RNF180: variants seen among roughly 807,000 people sequenced by gnomAD.
RNF180 encodes E3 ubiquitin-protein ligase RNF180.
In RNF180, 38 loss-of-function variants were observed where a neutral mutation model predicts 59.2. That is an observed-to-expected ratio of 0.64 (90% CI 0.50 to 0.84). The LOEUF is 0.84. Ranked by LOEUF, RNF180 falls within the 40% of genes least tolerant of loss-of-function variation. The probability of loss-of-function intolerance (pLI) is 0.00; values close to 1 mark genes in which losing one functional copy is unlikely to be tolerated. For synonymous variants in RNF180, 262 were observed against 240.3 expected (o/e 1.09, Z -0.84); for missense variants, 705 against 700.9 (o/e 1.01, Z -0.07).
intron 5 of RNF180, among the ~76,000 whole-genome samples, chr5:64,267,522 TC>T (rs895986750): frequency 1.3e-5 from 2 of 148,716 alleles, no homozygotes. Context: ...CCCACAACAG[TC>T]CCCAGAGTGT....
intron 7 of RNF180, among the ~76,000 whole-genome samples, chr5:64,355,793 G>A (rs1421246823): frequency 6.6e-6 from 1 of 151,730 alleles, no homozygotes; most frequent in Non-Finnish European, 1.5e-5. Flanking sequence ...CATTCATCTG[G>A]GAAAGAATAG....
At chr5:64,259,569 C>T (rs1384333222) in intron 5 of RNF180, among the ~76,000 whole-genome samples, 1 of 152,088 alleles carries the variant, frequency 6.6e-6, no homozygotes, top group Non-Finnish European at 1.5e-5. Context: ...ACAGACATAA[C>T]TTGTTTTTTC....
intron 1 of RNF180, among the ~76,000 whole-genome samples, chr5:64,193,011 A>G (rs1336186723): frequency 6.7e-6 from 1 of 149,698 alleles, no homozygotes; most frequent in Non-Finnish European, 1.5e-5. Flanking sequence ...AGAGAACATT[A>G]TGCTAAGTGA....
At chr5:64,346,359 CTTTTTT>C (rs1162054033) in intron 7 of RNF180, among the ~76,000 whole-genome samples, 1 of 42,952 alleles carries the variant, frequency 2.3e-5, no homozygotes, top group Non-Finnish European at 4.4e-5. Context: ...TTCTTTTCTT[CTTTTTT>C]TTTTTTTTTT....
chr5:64,201,091 A>G, intron 2 of RNF180, 149 bp downstream of exon 2: 1 of 611,250 alleles, frequency 1.6e-6, no homozygotes, highest in Non-Finnish European at 2.7e-6. Flanking sequence ...ATTTCACCTG[A>G]CCCACTGAAA....
At chr5:64,187,989 T>C (rs1412080239) in intron 1 of RNF180, among the ~76,000 whole-genome samples, 1 of 152,222 alleles carries the variant, frequency 6.6e-6, no homozygotes, top group African/African-American at 2.4e-5. Context: ...TTCTTTGCTG[T>C]GGCCTGCTTG....
At chr5:64,341,386 AAGG>A (rs1245257299) in intron 7 of RNF180, among the ~76,000 whole-genome samples, 1 of 152,222 alleles carries the variant, frequency 6.6e-6, no homozygotes, top group African/African-American at 2.4e-5. Flanking sequence ...AAAGGAAGTG[AAGG>A]AGCTCAGCAT....
At chr5:64,354,788 A>G (rs1425152381) in intron 7 of RNF180, among the ~76,000 whole-genome samples, 1 of 151,860 alleles carries the variant, frequency 6.6e-6, no homozygotes, top group Non-Finnish European at 1.5e-5. Flanking sequence ...CAACATAAAA[A>G]AAATCTATGT....
rs911558812 is a variant in RNF180, at chr5:64,313,632, C to A, written c.1228-11554C>A. Among the ~76,000 whole-genome samples the A allele has an allele frequency of 2.0e-5, 3 of 152,154 alleles. No individual in the cohort carries two copies. In the South Asian group the frequency reaches 6.2e-4, roughly 32 times the overall value. ...TGAACATAACATGTGCATGTGTCTT[C>A]ATGGTAGAACAATTTATATTCCTTT... On this transcript the variant is annotated intron_variant, in intron 5 of 7. Coordinates refer to ENST00000389100, the MANE Select transcript of RNF180 (RefSeq NM_001113561.2).
chr5:64,242,091 C>T (rs1474508754), intron 5 of RNF180, among the ~76,000 whole-genome samples: 1 of 152,216 alleles, frequency 6.6e-6, no homozygotes, highest in Non-Finnish European at 1.5e-5. Flanking sequence ...GAGGCCCCAG[C>T]CTTCTGACAC....
intron 5 of RNF180, among the ~76,000 whole-genome samples, chr5:64,288,943 G>A (rs1375200956): frequency 6.6e-6 from 1 of 152,198 alleles, no homozygotes; most frequent in Non-Finnish European, 1.5e-5. Flanking sequence ...TAGGAGTGGT[G>A]AGAGAGGGCA....
chr5:64,312,486 A>G (rs1234959063), intron 5 of RNF180, among the ~76,000 whole-genome samples: 1 of 152,134 alleles, frequency 6.6e-6, no homozygotes, highest in Non-Finnish European at 1.5e-5. Context: ...AGCAATGAAA[A>G]TAAGAGAAAG....
chr5:64,212,128 C>G lies in RNF180; in HGVS notation c.199C>G (p.Leu67Val). 6.2e-7 allele frequency: 1 copy of G among 1,604,760 alleles called. No homozygotes were observed. Among genetic ancestry groups the G allele is most frequent in the Non-Finnish European group, 8.5e-7 (1 of 1,171,776 alleles). Residue 67 changes from leucine to valine, a missense_variant, in exon 3 of 8, where the codon CTT (leucine) becomes GTT (valine). Leu to Val is a conservative substitution (Grantham distance 32, BLOSUM62 1). Transcript: ENST00000389100. ...TGTGTGGCACATGAATGTAGAAGCCCTTCCAGAATGGATAAGCTGCCTAAT... is the reference window on the plus strand; with the variant it reads ...TGTGTGGCACATGAATGTAGAAGCCGTTCCAGAATGGATAAGCTGCCTAAT... ...CHVWHMNVEA[L>V]PEWISCLIQK...
At chr5:64,358,725 T>C (rs968600912) in intron 7 of RNF180, among the ~76,000 whole-genome samples, 2 of 151,638 alleles carry the variant, frequency 1.3e-5, no homozygotes, top group East Asian at 2.0e-4. Context: ...TGTGCCATGC[T>C]GGTGCGCTGC....
At position 64,217,691 on chromosome 5, in the gene RNF180, A is replaced by G. The variant is rs544919040; in HGVS notation, c.1227+295A>G. On this transcript the variant is annotated intron_variant, in intron 5 of 7. Transcript: ENST00000389100. Reference sequence around the variant, plus strand: ...TGGGCTGGTGTGGCAGCTTATGTCTATAATCCCAGCACTTTTGAGAGGCCA... The same window carrying G: ...TGGGCTGGTGTGGCAGCTTATGTCTGTAATCCCAGCACTTTTGAGAGGCCA... 7 of 244,282 alleles carry G rather than the reference A, an allele frequency of 2.9e-5. No homozygotes were observed. In the East Asian group the frequency reaches 3.8e-4, roughly 13 times the overall value. 15.1% of individuals were successfully genotyped at this position (244,282 alleles called of 1,614,324 possible).
At chr5:64,234,578 CTTTTTTTTTTTTTTTTTTTTTTTTTTT>C (rs1171637074) in intron 5 of RNF180, among the ~76,000 whole-genome samples, 1 of 48,500 alleles carries the variant, frequency 2.1e-5, no homozygotes, top group Non-Finnish European at 3.8e-5. Flanking sequence ...GTTACCCGTT[CTTTTTTTTTTTTTTTTTTTTTTTTTTT>C]TTTTTTTTTT....
At chr5:64,368,341 A>C (rs879896376) in intron 7 of RNF180, among the ~76,000 whole-genome samples, 19 of 151,802 alleles carry the variant, frequency 1.3e-4, no homozygotes, top group Non-Finnish European at 2.4e-4. Context: ...AGTTGTAAAA[A>C]TAAAACATGA....
chr5:64,231,122 G>A (rs993374328), intron 5 of RNF180, among the ~76,000 whole-genome samples: 4 of 152,188 alleles, frequency 2.6e-5, no homozygotes, highest in African/African-American at 9.7e-5. Context: ...TAGGTAAAAG[G>A]TATGGCACTA....
chr5:64,207,387 C>G (rs973499405), intron 2 of RNF180, among the ~76,000 whole-genome samples: 2 of 152,078 alleles, frequency 1.3e-5, no homozygotes, highest in Non-Finnish European at 2.9e-5. Context: ...TTCCAAGATT[C>G]AGGACCAGCG....
Sources: gnomAD v4.1 joint callset for allele counts (sites outside exome capture counted in the v4.1 genomes callset) on GRCh38, gnomAD v4.1.1 for gene constraint, MANE v1.5 for transcripts, NCBI Gene and HGNC (gene_info 2026-07-23, HGNC 2026-07-21) for gene names.